Variants in MED12 observed in about 807,000 individuals in gnomAD.
MED12 encodes the protein mediator of RNA polymerase II transcription subunit 12.
A neutral mutation model predicts 177.7 loss-of-function variants in MED12; 10 were observed. The ratio of observed to expected loss-of-function variants is 0.06; its 90% CI spans 0.03 to 0.10. The LOEUF is 0.10. Ranked by LOEUF, MED12 falls within the 10% of genes least tolerant of loss-of-function variation. The probability of loss-of-function intolerance (pLI) is 1.00; values close to 1 mark genes in which losing one functional copy is unlikely to be tolerated. For missense variants in MED12, 867 were observed against 1,780.8 expected (o/e 0.49, Z 9.23); for synonymous variants, 641 against 678.4 (o/e 0.94, Z 0.86).
intron 17 of MED12, 141 bp downstream of exon 17, chrX:71,125,854 T>G: frequency 3.3e-6 from 2 of 603,202 alleles, no homozygotes; most frequent in Non-Finnish European, 5.5e-6. Context: ...CTTCCCTTCA[T>G]TCCTCCCCCA....
rs1054527102 is a variant in MED12 at position 71,121,961 on chromosome X, G to T, written c.1101+145G>T. 2.4e-5 allele frequency: 23 copies of T among 963,941 alleles called. No homozygotes were observed. In the Middle Eastern group the frequency reaches 2.8e-3, roughly 118 times the overall value. 79.4% of individuals were successfully genotyped at this position (963,941 alleles called of 1,213,427 possible). On this transcript the variant is annotated intron_variant, in intron 7 of 44. Coordinates refer to ENST00000374080, the MANE Select transcript of MED12 (RefSeq NM_005120.3). Reference sequence around the variant, plus strand: ...TGGAGGTTGTTGTTTCTTGGTAATGGGGTGTTAGTCCCCTTTGGGGGTTTT... The same window carrying T: ...TGGAGGTTGTTGTTTCTTGGTAATGTGGTGTTAGTCCCCTTTGGGGGTTTT...
chrX:71,125,865 T>G, intron 17 of MED12, 152 bp downstream of exon 17: 3 of 565,601 alleles, frequency 5.3e-6, no homozygotes, highest in South Asian at 2.5e-5. Context: ...TCCTCCCCCA[T>G]CCCTTCCTTG....
At position 71,129,994 on chromosome X, in the gene MED12, C is replaced by G. The variant is rs201170682; in HGVS notation, c.3868-41C>G. The stretch of plus-strand genomic sequence containing the variant: ...GCCCATCCCCCATATTCCTAACCCC[C>G]TCACTGGTTGTTCCCAGTCCCTGAT... On this transcript the variant is annotated intron_variant, in intron 27 of 44. Transcript: ENST00000374080. The G allele has an allele frequency of 2.5e-6, 3 of 1,192,885 alleles. No individual in the cohort carries two copies. The East Asian group carries it at 9.0e-5, about 36-fold the overall frequency.
Position 71,133,218 on chromosome X carries a change from A to G in MED12, c.4617+6A>G. 8.5e-7 allele frequency: 1 copy of G among 1,171,128 alleles called. No individual in the cohort carries two copies. The highest frequency in any genetic ancestry group is 1.8e-5 in the African/African-American group (1 of 57,017). On this transcript the variant is annotated splice_donor_region_variant and intron_variant, in intron 33 of 44. Coordinates refer to ENST00000374080, the MANE Select transcript of MED12 (RefSeq NM_005120.3). Reference sequence around the variant, plus strand: ...TCAAACTGCGGCTCAACCTGGTGAGAAGGCCAGCTGGGGAGAAGAAGGAAG... The same window carrying G: ...TCAAACTGCGGCTCAACCTGGTGAGGAGGCCAGCTGGGGAGAAGAAGGAAG...
In MED12 at chrX:71,129,428, T is replaced by C; in HGVS notation, c.3690T>C (p.Leu1230=). ...VFAVLKAVFV[L]GDAELKGSGF... ...CTGTTCTCAAGGCTGTGTTTGTACTTGGTACGGGGGTAGGAAGGGAGTGGT... is the reference window on the plus strand; with the variant it reads ...CTGTTCTCAAGGCTGTGTTTGTACTCGGTACGGGGGTAGGAAGGGAGTGGT... Residue 1230 remains leucine (L), a splice_region_variant and synonymous_variant, in exon 26 of 45, where the codon CTT becomes CTC. Transcript: ENST00000374080. The C allele has an allele frequency of 8.5e-7, 1 of 1,177,858 alleles. No homozygotes were observed. The highest frequency in any genetic ancestry group is 1.2e-6 in the Non-Finnish European group (1 of 864,623).
At chrX:71,136,765 C>A (rs1489110868) in intron 37 of MED12, 110 bp downstream of exon 37, 1 of 1,184,132 alleles carries the variant, frequency 8.4e-7, no homozygotes, top group Admixed American at 2.2e-5. Context: ...CCATTAGAAT[C>A]ATAATAAAAA....
At chrX:71,135,048 T>TC (rs2092328730) in intron 35 of MED12, 44 bp from the exon 36 acceptor site, 1 of 1,205,485 alleles carries the variant, frequency 8.3e-7, no homozygotes, top group African/African-American at 1.8e-5. Flanking sequence ...CCATCCCTGT[T>TC]TTCTGTATCT....
chrX:71,129,031 T>G (rs1249417273), intron 24 of MED12, 83 bp from the exon 25 acceptor site: 13 of 752,690 alleles, frequency 1.7e-5, no homozygotes, highest in Non-Finnish European at 2.5e-5. Context: ...GCCATACACT[T>G]GCATGCATGC....
intron 28 of MED12, 134 bp downstream of exon 28, chrX:71,130,348 T>A: frequency 8.3e-6 from 5 of 601,585 alleles, no homozygotes; most frequent in Non-Finnish European, 1.3e-5. Flanking sequence ...AGGGGAGAGG[T>A]AGCGAGAGAA....
Position 71,137,365 on chromosome X carries a change from C to T in MED12, c.5730C>T (p.Arg1910=), listed in dbSNP as rs751276767. The change falls in exon 39 of 45, where the codon CGC becomes CGT. Residue 1910 remains arginine, a synonymous_variant. Transcript: ENST00000374080. ...QQQPAVPQGQ[R]LRQQLQQSQG... ...AACCTGCGGTGCCCCAAGGACAGCG[C>T]CTTCGCCAACAGCTCCAGGCAAAGA... 8.3e-7 allele frequency: 1 copy of T among 1,209,601 alleles called. No individual in the cohort carries two copies. Among genetic ancestry groups the T allele is most frequent in the African/African-American group, 1.8e-5 (1 of 57,056 alleles).
chrX:71,123,399 G>C (rs891409752), intron 11 of MED12, among the ~76,000 whole-genome samples, 173 bp downstream of exon 11: 1 of 111,333 alleles, frequency 9.0e-6, no homozygotes, highest in African/African-American at 3.3e-5. Flanking sequence ...AAGTAGAGAA[G>C]AGTGGATTGT....
intron 41 of MED12, among the ~76,000 whole-genome samples, chrX:71,139,559 AG>A (rs1004263676): frequency 1.1e-4 from 12 of 109,986 alleles, no homozygotes; most frequent in Non-Finnish European, 1.7e-4. Flanking sequence ...GTATGTTGCA[AG>A]GTTCCTTGGA....
rs1256975265 is a variant in MED12 at position 71,119,838 on chromosome X, C to G, written c.357C>G (p.Asp119Glu). ...SQSAINTWFT[D>E]LAGTKPLTQL... is the part of the protein sequence containing the mutation. ...GTGCCATTAACACTTGGTTCACTGACTTGGCTGGCACCAAGCCACTCACGC... is the reference window on the plus strand; with the variant it reads ...GTGCCATTAACACTTGGTTCACTGAGTTGGCTGGCACCAAGCCACTCACGC... The change falls in exon 3 of 45, where the codon GAC (aspartate) becomes GAG (glutamate). Residue 119 changes from aspartate to glutamate, a missense_variant. By Grantham distance (45) the Asp-to-Glu change is conservative. Around this residue, in one of 14 missense-constraint regions of MED12, gnomAD observed 42 missense variants for 129.6 expected, o/e 0.32. Coordinates refer to ENST00000374080, the MANE Select transcript of MED12 (RefSeq NM_005120.3). 6.6e-6 allele frequency: 8 copies of G among 1,211,540 alleles called. No homozygotes were observed. The South Asian group carries it at 7.0e-5, about 11-fold the overall frequency.
rs750380399 is a variant in MED12 at position 71,129,201 on chromosome X, G to T, written c.3563G>T (p.Cys1188Phe). 1 of 1,207,671 alleles carries T rather than the reference G, an allele frequency of 8.3e-7. No individual in the cohort carries two copies. Among genetic ancestry groups the T allele is most frequent in the African/African-American group, 1.8e-5 (1 of 57,124 alleles). The stretch of plus-strand genomic sequence containing the variant: ...TTCAAGACACCGCAGCTCAATCCTT[G>T]CCAGTCTGATGGAAGTAAGTGACCC... ...HLFKTPQLNP[C>F]QSDGNKPTVG... The change falls in exon 25 of 45, where the codon TGC (cysteine) becomes TTC (phenylalanine). Residue 1188 changes from cysteine to phenylalanine, a missense_variant. Coordinates refer to ENST00000374080, the MANE Select transcript of MED12 (RefSeq NM_005120.3).
rs374156594 is a variant in MED12, at chrX:71,128,308, C to T, written c.3222C>T (p.Ile1074=). 31 of 1,210,037 alleles carry T rather than the reference C, an allele frequency of 2.6e-5. No individual in the cohort carries two copies. Among genetic ancestry groups the T allele is most frequent in the African/African-American group, 1.4e-4 (8 of 57,119 alleles). The change falls in exon 23 of 45, where the codon ATC becomes ATT. Residue 1074 remains isoleucine (I), a synonymous_variant. Transcript: ENST00000374080. ...TACTTTTCCCTAGGGTGAATGACAT[C>T]GCAATCCTGTGTGCAGAGCTGACCG... ...GHHDPDRVND[I]AILCAELTGY...
In MED12 at chrX:71,132,941, C is replaced by T. The variant is rs2092322482; in HGVS notation, c.4512C>T (p.Tyr1504=). The change falls in exon 32 of 45, where the codon TAC becomes TAT. Residue 1504 remains tyrosine (Y), a synonymous_variant. Transcript: ENST00000374080. ...EQREGLLTSL[Y]SQVHQIVNNW... ...GCGAGGGACTCCTTACCTCCCTCTA[C>T]AGCCAGGTGCACCAGGTACAGATCT... The T allele has an allele frequency of 2.5e-6, 3 of 1,181,244 alleles. No homozygotes were observed. The highest frequency in any genetic ancestry group is 4.8e-5 in the Admixed American group (2 of 41,925).
chrX:71,134,994 G>T (rs2092328581), intron 35 of MED12, 98 bp from the exon 36 acceptor site: 2 of 1,157,947 alleles, frequency 1.7e-6, no homozygotes, highest in South Asian at 3.6e-5. Context: ...TTACTGAGTG[G>T]GGGTCTTCTC....
Position 71,126,100 on chromosome X carries a change from C to A in MED12, c.2487C>A (p.Ile829=). The A allele has an allele frequency of 8.3e-7, 1 of 1,211,705 alleles. No homozygotes were observed. The highest frequency in any genetic ancestry group is 1.1e-6 in the Non-Finnish European group (1 of 895,243). The change falls in exon 18 of 45, where the codon ATC becomes ATA. Residue 829 remains isoleucine (I), a synonymous_variant. Coordinates refer to ENST00000374080, the MANE Select transcript of MED12 (RefSeq NM_005120.3). ...RPEAFPTAED[I]FAKFQHLSHY... ...AAGCCTTCCCCACTGCTGAAGATAT[C>A]TTTGCTAAGTTCCAGCACCTTTCAC...
chrX:71,123,725 G>A lies in MED12; in HGVS notation c.1744+5G>A, dbSNP rs368353373. On this transcript the variant is annotated splice_donor_5th_base_variant and intron_variant, in intron 12 of 44. Transcript: ENST00000374080. Reference sequence around the variant, plus strand: ...ATACACAGGCTCCCATGCTGAGTACGGACCCCTACCACTCTCTAGTTACCT... The same window carrying A: ...ATACACAGGCTCCCATGCTGAGTACAGACCCCTACCACTCTCTAGTTACCT... 2 of 1,186,718 alleles carry A rather than the reference G, an allele frequency of 1.7e-6. No individual in the cohort carries two copies. Among genetic ancestry groups the A allele is most frequent in the South Asian group, 1.8e-5 (1 of 54,192 alleles).
Sources: allele counts gnomAD v4.1 joint callset (sites outside exome capture counted in the v4.1 genomes callset), GRCh38; gene constraint gnomAD v4.1.1; regional missense constraint gnomAD v4.1.1; transcripts MANE v1.5; gene names NCBI Gene and HGNC (gene_info 2026-07-23, HGNC 2026-07-21).